Variants in ANKRD30B observed in about 807,000 individuals in gnomAD.
The protein encoded by ANKRD30B is ankyrin repeat domain 30B, also known as ankyrin repeat domain-containing protein 30B.
Under a neutral mutation model 202.2 loss-of-function variants are expected in ANKRD30B, and 144 were observed. The observed-to-expected ratio is 0.71, with a 90% CI of 0.62 to 0.82. ANKRD30B has a LOEUF of 0.82. Among genes scored for constraint, ANKRD30B ranks in the 40% least tolerant of loss-of-function variants. The pLI, the probability that ANKRD30B is intolerant of heterozygous loss-of-function variation, is 0.00. For synonymous variants in ANKRD30B, 508 were observed against 561.3 expected (o/e 0.91, Z 1.34); for missense variants, 1,487 against 1,669.1 (o/e 0.89, Z 1.90).
chr18:14,870,353 C>T, the ANKRD30B span, among the ~76,000 whole-genome samples: 2 of 152,226 alleles, frequency 1.3e-5, no homozygotes, highest in African/African-American at 2.4e-5. Flanking sequence ...GGGCCTCCCA[C>T]ATGCAGGCAG....
chr18:14,791,584 C>T (rs1968512538), intron 16 of ANKRD30B, 93 bp downstream of exon 16: 2 of 944,634 alleles, frequency 2.1e-6, no homozygotes, highest in Non-Finnish European at 3.2e-6. Flanking sequence ...AGAAAATTAC[C>T]TCCTTAATGC....
chr18:14,828,822 T>C (rs1970777825), intron 33 of ANKRD30B, among the ~76,000 whole-genome samples: 1 of 152,222 alleles, frequency 6.6e-6, no homozygotes, highest in African/African-American at 2.4e-5. Flanking sequence ...TTAGAGCAGA[T>C]CTTACTTAGC....
At chr18:14,820,294 C>A (rs1970347448) in intron 30 of ANKRD30B, among the ~76,000 whole-genome samples, 1 of 152,188 alleles carries the variant, frequency 6.6e-6, no homozygotes, top group Non-Finnish European at 1.5e-5. Flanking sequence ...GATATACAAT[C>A]ATGTCGTTTG....
At chr18:14,887,696 T>G in the ANKRD30B span, among the ~76,000 whole-genome samples, 1 of 152,092 alleles carries the variant, frequency 6.6e-6, no homozygotes, top group East Asian at 1.9e-4. Context: ...CCTTTAAAAT[T>G]AAAAGCATAT....
Position 14,754,912 on chromosome 18 carries a change from C to G in ANKRD30B, c.524C>G (p.Pro175Arg), listed in dbSNP as rs774127417. Residue 175 changes from proline (P) to arginine (R), a missense_variant, in exon 4 of 44, where the codon CCC becomes CGC. By Grantham distance (103) the Pro-to-Arg change is moderately radical. This residue lies in a region of ANKRD30B where 889 missense variants were observed against 841.4 expected (regional missense o/e 1.06). Coordinates refer to ENST00000690538, the MANE Select transcript of ANKRD30B (RefSeq NM_001367607.2). Reference sequence around the variant, plus strand: ...GCTATTTTACAGGCTAGCCTCACACCCCTTTTACTGGCCATACAGAAAAGA... The same window carrying G: ...GCTATTTTACAGGCTAGCCTCACACGCCTTTTACTGGCCATACAGAAAAGA... ...IEVQNKASLT[P>R]LLLAIQKRSK... 13 of 1,539,658 alleles carry G rather than the reference C, an allele frequency of 8.4e-6. 1 individual carries two copies. In the South Asian group the frequency reaches 1.5e-4, roughly 18 times the overall value.
At chr18:14,895,443 G>T in the ANKRD30B span, among the ~76,000 whole-genome samples, 1 of 152,178 alleles carries the variant, frequency 6.6e-6, no homozygotes, top group African/African-American at 2.4e-5. Context: ...AATGCAAAAT[G>T]GTGCAGTCAC....
intron 32 of ANKRD30B, among the ~76,000 whole-genome samples, chr18:14,823,849 C>A (rs367929819): frequency 6.6e-6 from 1 of 152,076 alleles, no homozygotes; most frequent in East Asian, 1.9e-4. Context: ...GTGGTGGGTG[C>A]CTGTAATCTC....
In ANKRD30B at chr18:14,805,079, G is replaced by A. The variant is rs562620878; in HGVS notation, c.2284+1255G>A. ...TGAGGCATCAAATATATATATATAT[G>A]TATATATTTTGTTGATATTCACAAT... On this transcript the variant is annotated intron_variant, in intron 24 of 43. Transcript: ENST00000690538. Among the ~76,000 whole-genome samples the A allele has an allele frequency of 1.9e-3, 288 of 150,062 alleles. 14 individuals are homozygous for A. Among genetic ancestry groups the A allele is most frequent in the African/African-American group, 6.8e-3 (275 of 40,482 alleles).
chr18:14,786,429 A>G (rs1968089979), intron 14 of ANKRD30B, among the ~76,000 whole-genome samples: 1 of 152,218 alleles, frequency 6.6e-6, no homozygotes. Flanking sequence ...TGTCGTTGTA[A>G]TTAAAGCAGT....
rs1002715004 is a variant in ANKRD30B, at chr18:14,791,454, T to G, written c.1788T>G (p.His596Gln). The change falls in exon 16 of 44, where the codon CAT (histidine) becomes CAG (glutamine). Residue 596 changes from histidine to glutamine, a missense_variant. Transcript: ENST00000690538. The stretch of plus-strand genomic sequence containing the variant: ...ATGTGTATTTACCCAAAGCTACACA[T>G]CAAAAAGAATTCGATACCTTAAGTG... ...QKDVYLPKAT[H>Q]QKEFDTLSGK... 3 of 1,611,266 alleles carry G rather than the reference T, an allele frequency of 1.9e-6. No homozygotes were observed. The highest frequency in any genetic ancestry group is 2.5e-6 in the Non-Finnish European group (3 of 1,178,994).
intron 24 of ANKRD30B, among the ~76,000 whole-genome samples, chr18:14,805,608 C>T (rs990067083): frequency 6.6e-6 from 1 of 150,708 alleles, no homozygotes; most frequent in African/African-American, 2.5e-5. Flanking sequence ...TTCAGCTGAA[C>T]TCTCATCCGA....
chr18:14,862,844 G>A, the ANKRD30B span, among the ~76,000 whole-genome samples: 1 of 152,264 alleles, frequency 6.6e-6, no homozygotes, highest in Admixed American at 6.5e-5. Flanking sequence ...GTGTGCCCTG[G>A]ATGCGGGACA....
chr18:14,760,008 C>T (rs1439822874), intron 5 of ANKRD30B, among the ~76,000 whole-genome samples: 2 of 152,176 alleles, frequency 1.3e-5, no homozygotes, highest in Non-Finnish European at 2.9e-5. Context: ...TCCTAAAGTG[C>T]TTGCATCACA....
intron 4 of ANKRD30B, among the ~76,000 whole-genome samples, chr18:14,755,212 T>A (rs1914145208): frequency 6.6e-6 from 1 of 152,164 alleles, no homozygotes; most frequent in Non-Finnish European, 1.5e-5. Flanking sequence ...CTTCTCTTAT[T>A]ATATTGACTG....
At chr18:14,811,359 C>G (rs1161191861) in intron 28 of ANKRD30B, among the ~76,000 whole-genome samples, 2 of 151,002 alleles carry the variant, frequency 1.3e-5, no homozygotes, top group East Asian at 3.9e-4. Flanking sequence ...ATCCAGGCGC[C>G]CACCACAACG....
the ANKRD30B span, among the ~76,000 whole-genome samples, chr18:14,898,096 AG>A: frequency 1.3e-5 from 2 of 152,200 alleles, no homozygotes; most frequent in Non-Finnish European, 2.9e-5. Flanking sequence ...CCAATTCTAT[AG>A]ATCTTTTGTG....
rs977487756 is a variant in ANKRD30B, at chr18:14,836,342, G to A, written c.2848-869G>A. Among the ~76,000 whole-genome samples, 15 of 151,854 alleles carry A rather than the reference G, an allele frequency of 9.9e-5. 1 individual carries two copies. Among genetic ancestry groups the A allele is most frequent in the Admixed American group, 8.5e-4 (13 of 15,240 alleles). ...TCCCCATCCTAGTAAATAACAACTA[G>A]GAAGTAGCCATGAAATGCTCAAGCA... On this transcript the variant is annotated intron_variant, in intron 34 of 43. Coordinates refer to ENST00000690538, the MANE Select transcript of ANKRD30B (RefSeq NM_001367607.2).
At chr18:14,856,481 C>T (rs62088971), downstream of ANKRD30B, among the ~76,000 whole-genome samples, 49,784 of 132,030 alleles carry the variant, frequency 0.38, 6,516 homozygotes, top group African/African-American at 0.44. Flanking sequence ...AGGAACTCCT[C>T]ACCTCCCAGA....
At chr18:14,767,703 C>T (rs1229125591) in intron 7 of ANKRD30B, among the ~76,000 whole-genome samples, 1 of 93,178 alleles carries the variant, frequency 1.1e-5, no homozygotes, top group Non-Finnish European at 2.2e-5. Flanking sequence ...CAGAAACAGA[C>T]CATTTTGATG....
Sources: gnomAD v4.1 joint callset for allele counts (sites outside exome capture counted in the v4.1 genomes callset) on GRCh38, gnomAD v4.1.1 for gene constraint, gnomAD v4.1.1 regional missense constraint, MANE v1.5 for transcripts, NCBI Gene and HGNC (gene_info 2026-07-23, HGNC 2026-07-21) for gene names.